Variants in CXCL13 observed in about 807,000 individuals in gnomAD.
CXCL13 encodes the protein C-X-C motif chemokine ligand 13.
CXCL13 carries 7 observed loss-of-function variants against 12.2 expected under a neutral mutation model. That is an observed-to-expected ratio of 0.57 (90% confidence interval 0.33 to 1.07). The LOEUF is 1.07. CXCL13 is among the 50% of genes least tolerant of loss of function. CXCL13 has a pLI of 0.04. For synonymous variants in CXCL13, 47 were observed against 42.4 expected (o/e 1.11, Z -0.42); for missense variants, 113 against 127.4 (o/e 0.89, Z 0.55).
At chr4:77,527,887 T>C (rs1384334582) in intron 1 of CXCL13, among the ~76,000 whole-genome samples, 1 of 152,154 alleles carries the variant, frequency 6.6e-6, no homozygotes, top group African/African-American at 2.4e-5. Flanking sequence ...CATCAACTCG[T>C]CATTTAACAT....
chr4:77,609,826 A>T (rs116696250), intron 2 of CXCL13, among the ~76,000 whole-genome samples: 76 of 152,330 alleles, frequency 5.0e-4, no homozygotes, highest in Non-Finnish European at 9.9e-4. Context: ...CTGGAGTCAG[A>T]TAATCTTCAT....
chr4:77,606,119 T>A (rs1726998383), intron 1 of CXCL13, among the ~76,000 whole-genome samples, 190 bp downstream of exon 1: 1 of 152,220 alleles, frequency 6.6e-6, no homozygotes, highest in Non-Finnish European at 1.5e-5. Flanking sequence ...TTTATATTGT[T>A]AAGATTTTTA....
At chr4:77,599,237 A>G (rs1284764100) in intron 1 of CXCL13, among the ~76,000 whole-genome samples, 1 of 152,192 alleles carries the variant, frequency 6.6e-6, no homozygotes, top group Non-Finnish European at 1.5e-5. Flanking sequence ...ATTGGTTGCA[A>G]GACTCCCGTG....
chr4:77,555,391 G>C (rs1725636303), intron 1 of CXCL13, among the ~76,000 whole-genome samples: 1 of 151,948 alleles, frequency 6.6e-6, no homozygotes, highest in African/African-American at 2.4e-5. Context: ...ATTTATTAAA[G>C]AAATTTAATG....
At chr4:77,559,611 G>A (rs1161331034) in intron 1 of CXCL13, among the ~76,000 whole-genome samples, 6 of 151,884 alleles carry the variant, frequency 4.0e-5, no homozygotes, top group Admixed American at 3.9e-4. Context: ...GTGTGTGTGT[G>A]ATTGAAAGTA....
chr4:77,516,457 A>G (rs2110077805), intron 1 of CXCL13, among the ~76,000 whole-genome samples: 1 of 152,290 alleles, frequency 6.6e-6, no homozygotes, highest in East Asian at 1.9e-4. Flanking sequence ...TTAGTGGGTA[A>G]GCTATTGATT....
chr4:77,592,571 C>T (rs981418787), intron 1 of CXCL13, among the ~76,000 whole-genome samples: 4 of 151,924 alleles, frequency 2.6e-5, no homozygotes, highest in African/African-American at 9.7e-5. Context: ...ATTGTGTGCC[C>T]CATAATTCTA....
chr4:77,565,948 A>C (rs1725917119), intron 1 of CXCL13, among the ~76,000 whole-genome samples: 1 of 152,254 alleles, frequency 6.6e-6, no homozygotes, highest in Admixed American at 6.5e-5. Flanking sequence ...AACAAATCCT[A>C]CAAACCTTGA....
At chr4:77,524,236 A>G (rs1724701358) in intron 1 of CXCL13, among the ~76,000 whole-genome samples, 2 of 152,222 alleles carry the variant, frequency 1.3e-5, no homozygotes, top group Admixed American at 1.3e-4. Flanking sequence ...CTCAAATGCC[A>G]TGCTGGGAGA....
chr4:77,544,572 T>C (rs1369537225), intron 1 of CXCL13, among the ~76,000 whole-genome samples: 3 of 152,196 alleles, frequency 2.0e-5, no homozygotes, highest in Non-Finnish European at 4.4e-5. Flanking sequence ...TCATATTCTT[T>C]GCCCACTTTT....
chr4:77,611,350 T>C lies in CXCL13; in HGVS notation c.*311T>C, dbSNP rs1727147806. On this transcript the variant is annotated 3_prime_UTR_variant, in exon 4 of 4. Coordinates refer to ENST00000682537, the MANE Select transcript of CXCL13 (RefSeq NM_001371558.1). Reference sequence around the variant, plus strand: ...TTGTTGTTTAATGTTTAAAATTTCTTAGAAAACAATGGAATGAGAATTTAA... The same window carrying C: ...TTGTTGTTTAATGTTTAAAATTTCTCAGAAAACAATGGAATGAGAATTTAA... 3 of 356,764 alleles carry C rather than the reference T, an allele frequency of 8.4e-6. No homozygotes were observed. The highest frequency in any genetic ancestry group is 2.1e-5 in the African/African-American group (1 of 47,958). The allele number at this position is 356,764 out of a possible 1,614,324, so 22.1% of individuals were successfully genotyped here. A position where few individuals can be genotyped will look rare whatever the true frequency, so the allele number is the denominator to read the frequency against.
chr4:77,556,614 T>A (rs1306172538), intron 1 of CXCL13, among the ~76,000 whole-genome samples: 6 of 152,186 alleles, frequency 3.9e-5, no homozygotes, highest in Non-Finnish European at 8.8e-5. Flanking sequence ...TTAAGATTGA[T>A]TTATATATCA....
intron 1 of CXCL13, among the ~76,000 whole-genome samples, chr4:77,598,435 G>C (rs1726814522): frequency 6.6e-6 from 1 of 152,160 alleles, no homozygotes; most frequent in Non-Finnish European, 1.5e-5. Context: ...GGAAGGGGAA[G>C]TATAGAACAA....
At chr4:77,552,931 G>C (rs1424320470) in intron 1 of CXCL13, among the ~76,000 whole-genome samples, 1 of 152,228 alleles carries the variant, frequency 6.6e-6, no homozygotes, top group Non-Finnish European at 1.5e-5. Context: ...GGATCTGCAT[G>C]GGCGTGGAGC....
At chr4:77,515,464 G>T (rs1010551282) in intron 1 of CXCL13, among the ~76,000 whole-genome samples, 1 of 152,138 alleles carries the variant, frequency 6.6e-6, no homozygotes, top group Non-Finnish European at 1.5e-5. Context: ...TCATTTGTTT[G>T]TATCCTCTTT....
At chr4:77,530,543 A>G (rs2110084368) in intron 1 of CXCL13, among the ~76,000 whole-genome samples, 1 of 152,068 alleles carries the variant, frequency 6.6e-6, no homozygotes, top group Non-Finnish European at 1.5e-5. Flanking sequence ...TTTCGTCTAG[A>G]TTTTCTAGTT....
intron 1 of CXCL13, among the ~76,000 whole-genome samples, chr4:77,544,499 G>A (rs1725301563): frequency 6.6e-6 from 1 of 152,198 alleles, no homozygotes. Context: ...GATGACCAGT[G>A]ATGATGAGCA....
chr4:77,530,373 C>T (rs977219308), intron 1 of CXCL13, among the ~76,000 whole-genome samples: 1 of 152,180 alleles, frequency 6.6e-6, no homozygotes, highest in Admixed American at 6.5e-5. Flanking sequence ...CCTTGTACCT[C>T]TGGTAGAACT....
chr4:77,555,254 A>G (rs968946427), intron 1 of CXCL13, among the ~76,000 whole-genome samples: 1 of 152,058 alleles, frequency 6.6e-6, no homozygotes, highest in Non-Finnish European at 1.5e-5. Context: ...TAAAAAGATA[A>G]AAGTGGACTA....
Sources: allele counts gnomAD v4.1 joint callset (sites outside exome capture counted in the v4.1 genomes callset), GRCh38; gene constraint gnomAD v4.1.1; transcripts MANE v1.5; gene names NCBI Gene and HGNC (gene_info 2026-07-23, HGNC 2026-07-21).